NTRK2: variants seen among roughly 807,000 people sequenced by gnomAD.
The protein encoded by NTRK2 is BDNF/NT-3 growth factors receptor.
In NTRK2, 13 loss-of-function variants were observed where a neutral mutation model predicts 94.5. The ratio of observed to expected loss-of-function variants is 0.14; its 90% CI spans 0.09 to 0.22. NTRK2 has a LOEUF of 0.22. NTRK2 is among the 10% of genes least tolerant of loss of function. The pLI is 1.00. For synonymous variants in NTRK2, 372 were observed against 407.4 expected, an observed-to-expected ratio of 0.91 and a Z score of 1.05; for missense variants, 639 against 1,071.2, an observed-to-expected ratio of 0.60 and a Z score of 5.63.
At chr9:84,690,892 A>G (rs1362538683) in intron 2 of NTRK2, among the ~76,000 whole-genome samples, 2 of 152,194 alleles carry the variant, frequency 1.3e-5, no homozygotes, top group African/African-American at 4.8e-5. Flanking sequence ...CATATTGTAC[A>G]TAAAGACCAT....
At chr9:84,958,683 G>T (rs1824493981) in intron 17 of NTRK2, among the ~76,000 whole-genome samples, 1 of 152,162 alleles carries the variant, frequency 6.6e-6, no homozygotes, top group Non-Finnish European at 1.5e-5. Flanking sequence ...GGCAAGACTG[G>T]GTAGGGAAGT....
At chr9:84,811,516 G>A in intron 12 of NTRK2, 1 of 1,065,452 alleles carries the variant, frequency 9.4e-7, no homozygotes, top group Non-Finnish European at 1.1e-6. Context: ...GAAGGCCACA[G>A]TATCTCATGC....
At chr9:84,813,658 G>T (rs2072059256) in intron 12 of NTRK2, 12 of 1,065,934 alleles carry the variant, frequency 1.1e-5, no homozygotes, top group Non-Finnish European at 1.4e-5. Flanking sequence ...TGGGAATTCT[G>T]CACCAATGTC....
At position 84,955,630 on chromosome 9, in the gene NTRK2, G is replaced by A. The variant is rs907724203; in HGVS notation, c.2172+113G>A. The A allele has an allele frequency of 8.0e-6, 7 of 874,160 alleles. No homozygotes were observed. The African/African-American group carries it at 9.9e-5, about 12-fold the overall frequency. The allele number at this position is 874,160 out of a possible 1,614,324, so 54.2% of individuals were successfully genotyped here. A position where few individuals can be genotyped will look rare whatever the true frequency, so the allele number is the denominator to read the frequency against. Reference sequence around the variant, plus strand: ...AATATCATGACTGGGTGGCTTAAACGACAGACATGTGTTTCTCATGGCTCT... The same window carrying A: ...AATATCATGACTGGGTGGCTTAAACAACAGACATGTGTTTCTCATGGCTCT... On this transcript the variant is annotated intron_variant, in intron 17 of 18. Coordinates refer to ENST00000277120, the MANE Select transcript of NTRK2 (RefSeq NM_006180.6).
At chr9:84,735,396 C>T (rs1308187868) in intron 9 of NTRK2, among the ~76,000 whole-genome samples, 1 of 152,132 alleles carries the variant, frequency 6.6e-6, no homozygotes, top group Non-Finnish European at 1.5e-5. Flanking sequence ...CTAACAAGCT[C>T]CCCGATGATG....
intron 16 of NTRK2, among the ~76,000 whole-genome samples, chr9:84,948,934 T>C (rs926610751): frequency 1.3e-5 from 2 of 152,172 alleles, no homozygotes; most frequent in African/African-American, 4.8e-5. Flanking sequence ...GGGTTTTAGA[T>C]GATCTGTAGG....
At chr9:84,804,885 C>T (rs1237137517) in intron 12 of NTRK2, among the ~76,000 whole-genome samples, 2 of 152,174 alleles carry the variant, frequency 1.3e-5, no homozygotes, top group Non-Finnish European at 2.9e-5. Flanking sequence ...CCCAGGAGAA[C>T]AATAGATTAA....
intron 14 of NTRK2, chr9:84,875,722 T>C: frequency 9.5e-7 from 1 of 1,053,366 alleles, no homozygotes. Context: ...TTAAACTTGA[T>C]GGAGTTTGCT....
At chr9:84,860,889 T>G in intron 12 of NTRK2, 151 bp from the exon 13 acceptor site, 154 of 388,194 alleles carry the variant, frequency 4.0e-4, no homozygotes, top group East Asian at 4.8e-4. Context: ...CCCAAGTGGT[T>G]TGTTTATTTA....
intron 12 of NTRK2, among the ~76,000 whole-genome samples, chr9:84,849,996 T>C (rs1049295102): frequency 2.6e-5 from 4 of 152,070 alleles, no homozygotes; most frequent in Admixed American, 6.6e-5. Flanking sequence ...GTGCTTAAAA[T>C]CTAATAGGAG....
intron 17 of NTRK2, among the ~76,000 whole-genome samples, chr9:84,963,992 G>T (rs985266521): frequency 1.3e-5 from 2 of 152,078 alleles, no homozygotes; most frequent in Admixed American, 1.3e-4. Context: ...TTAAGCATAT[G>T]GAATATTGTC....
At chr9:84,858,941 A>G (rs2075200182) in intron 12 of NTRK2, among the ~76,000 whole-genome samples, 1 of 152,184 alleles carries the variant, frequency 6.6e-6, no homozygotes. Context: ...ACGAGCTGAA[A>G]GATTTGCTAA....
chr9:84,758,963 G>T (rs1018672060), intron 12 of NTRK2, among the ~76,000 whole-genome samples: 1 of 152,108 alleles, frequency 6.6e-6, no homozygotes, highest in African/African-American at 2.4e-5. Context: ...TAGTATCAGA[G>T]AAATAAGTTT....
intron 17 of NTRK2, among the ~76,000 whole-genome samples, chr9:84,968,385 G>A (rs1825807253): frequency 6.6e-6 from 1 of 152,200 alleles, no homozygotes; most frequent in Admixed American, 6.5e-5. Flanking sequence ...GTGGCCCACT[G>A]TGCAGAGCAA....
At chr9:84,813,316 G>C in intron 12 of NTRK2, 2 of 1,015,996 alleles carry the variant, frequency 2.0e-6, no homozygotes, top group Non-Finnish European at 2.4e-6. Context: ...TGATTCTTTA[G>C]GAGAAACATG....
At chr9:84,885,713 A>G (rs192071422) in intron 14 of NTRK2, among the ~76,000 whole-genome samples, 108 of 152,284 alleles carry the variant, frequency 7.1e-4, no homozygotes, top group Admixed American at 4.8e-3. Flanking sequence ...GTGCTTTGTT[A>G]CTATCATGTT....
At chr9:84,832,136 T>A (rs1464172948) in intron 12 of NTRK2, among the ~76,000 whole-genome samples, 1 of 152,222 alleles carries the variant, frequency 6.6e-6, no homozygotes, top group Non-Finnish European at 1.5e-5. Context: ...TATTCTCTTG[T>A]TACCCGTTTC....
chr9:84,886,222 C>T (rs1483480810), intron 14 of NTRK2, among the ~76,000 whole-genome samples: 1 of 152,140 alleles, frequency 6.6e-6, no homozygotes, highest in Non-Finnish European at 1.5e-5. Context: ...TAAAGCAGTG[C>T]CACACAAAGA....
intron 15 of NTRK2, among the ~76,000 whole-genome samples, chr9:84,945,610 T>C (rs749296845): frequency 1.3e-5 from 2 of 152,160 alleles, no homozygotes; most frequent in African/African-American, 4.8e-5. Flanking sequence ...GGAGTTGAGT[T>C]TGGATCTAGC....
Sources: allele counts gnomAD v4.1 joint callset (sites outside exome capture counted in the v4.1 genomes callset), GRCh38; gene constraint gnomAD v4.1.1; transcripts MANE v1.5; gene names NCBI Gene and HGNC (gene_info 2026-07-23, HGNC 2026-07-21).